Variants in PIEZO1 observed in about 807,000 individuals in gnomAD.
PIEZO1 encodes the protein piezo-type mechanosensitive ion channel component 1.
Under a neutral mutation model 297.2 loss-of-function variants are expected in PIEZO1, and 296 were observed. That is an observed-to-expected ratio of 1.00 (90% CI 0.91 to 1.10). The LOEUF (loss-of-function observed/expected upper bound fraction) is 1.10, where lower values mean the gene tolerates loss of function less well. Among genes scored for constraint, PIEZO1 ranks in the 50% least tolerant of loss-of-function variants. The probability of loss-of-function intolerance (pLI) is 0.00; values close to 1 mark genes in which losing one functional copy is unlikely to be tolerated. For synonymous variants in PIEZO1, 2,427 were observed against 1,507.5 expected (o/e 1.61, Z -14.13); for missense variants, 5,018 against 3,455.5 (o/e 1.45, Z -11.34).
intron 45 of PIEZO1, 21 bp from the exon 46 acceptor site, chr16:88,716,919 C>T (rs550529775): frequency 1.9e-4 from 294 of 1,548,668 alleles, no homozygotes; most frequent in African/African-American, 1.1e-3. Flanking sequence ...CACGGGGACA[C>T]GGGGCCACGA....
chr16:88,768,778 G>T (rs887637289), intron 1 of PIEZO1, among the ~76,000 whole-genome samples: 1 of 152,246 alleles, frequency 6.6e-6, no homozygotes, highest in Non-Finnish European at 1.5e-5. Context: ...TCTAGGCCTC[G>T]GCCAGTCTGG....
chr16:88,736,694 C>A lies in PIEZO1; in HGVS notation c.1241G>T (p.Ser414Ile). ...CTGGTCCATGATGAGGTGGCCCAGG[C>A]TGTGGAGCGGAGACGCCTCCCTGGG... ...AEPREASPLH[S>I]LGHLIMDQSY... The change falls in exon 11 of 51, where the codon AGC (serine) becomes ATC (isoleucine). Residue 414 changes from serine to isoleucine, a missense_variant. By Grantham distance (142) the Ser-to-Ile change is moderately radical (BLOSUM62 -2). Coordinates refer to ENST00000301015, the MANE Select transcript of PIEZO1 (RefSeq NM_001142864.4). 1 of 1,533,016 alleles carries A rather than the reference C, an allele frequency of 6.5e-7. No individual in the cohort carries two copies. Among genetic ancestry groups the A allele is most frequent in the African/African-American group, 1.4e-5 (1 of 73,026 alleles). The allele number at this position is 1,533,016 out of a possible 1,614,324, so 95.0% of individuals were successfully genotyped here.
At chr16:88,768,069 C>G (rs985041345) in intron 1 of PIEZO1, among the ~76,000 whole-genome samples, 2 of 152,224 alleles carry the variant, frequency 1.3e-5, no homozygotes, top group Non-Finnish European at 2.9e-5. Flanking sequence ...GTGGGACCCA[C>G]GAGCCCCCAA....
Position 88,721,892 on chromosome 16 carries a change from C to G in PIEZO1, c.5130G>C (p.Leu1710=). 6.5e-7 allele frequency: 1 copy of G among 1,550,080 alleles called. No homozygotes were observed. Among genetic ancestry groups the G allele is most frequent in the Non-Finnish European group, 8.7e-7 (1 of 1,146,792 alleles). ...MVTASAGSLV[L]PVLVFLWAML... Reference sequence around the variant, plus strand: ...TGGCCCACAGGAAGACGAGCACGGGCAGCACCAGCGAGCCGGCGGAGGCCG... The same window carrying G: ...TGGCCCACAGGAAGACGAGCACGGGGAGCACCAGCGAGCCGGCGGAGGCCG... Residue 1710 remains leucine, a synonymous_variant, in exon 37 of 51, where the codon CTG becomes CTC. Coordinates refer to ENST00000301015, the MANE Select transcript of PIEZO1 (RefSeq NM_001142864.4).
intron 1 of PIEZO1, among the ~76,000 whole-genome samples, chr16:88,751,794 C>T (rs1906403588): frequency 6.6e-6 from 1 of 152,156 alleles, no homozygotes; most frequent in Admixed American, 6.5e-5. Context: ...GTGAGTTCTG[C>T]CCCAGTCCTG....
rs1471035047 is a variant in PIEZO1, at chr16:88,735,058, G to GT, written c.1670-6_1670-5insA. 1 of 1,550,264 alleles carries GT rather than the reference G, an allele frequency of 6.5e-7. No individual in the cohort carries two copies. ...GCGTCTGCGTCCGCGTGGGCTCTGT[G>GT]GGCCAAGCCAGGGGCAGGCGATGGC... On this transcript the variant is annotated splice_region_variant and splice_polypyrimidine_tract_variant and intron_variant, in intron 13 of 50. Coordinates refer to ENST00000301015, the MANE Select transcript of PIEZO1 (RefSeq NM_001142864.4).
At chr16:88,771,720 C>T (rs1443742002) in intron 1 of PIEZO1, among the ~76,000 whole-genome samples, 4 of 151,992 alleles carry the variant, frequency 2.6e-5, no homozygotes, top group Admixed American at 2.0e-4. Context: ...TCCAGATGCC[C>T]GTCCACCCGC....
chr16:88,727,076 C>T lies in PIEZO1; in HGVS notation c.3418G>A (p.Gly1140Arg). Reference sequence around the variant, plus strand: ...AAGTTGGGCACGGGGTTGGGCTCCCCCCGCAGCGGCTCCAGGCGGTCGGTG... The same window carrying T: ...AAGTTGGGCACGGGGTTGGGCTCCCTCCGCAGCGGCTCCAGGCGGTCGGTG... ...VNTDRLEPLR[G>R]EPNPVPNFIH... The change falls in exon 24 of 51, where the codon GGG (glycine) becomes AGG (arginine). Residue 1140 changes from glycine (G) to arginine (R), a missense_variant. Coordinates refer to ENST00000301015, the MANE Select transcript of PIEZO1 (RefSeq NM_001142864.4). 6.5e-7 allele frequency: 1 copy of T among 1,549,556 alleles called. No homozygotes were observed.
intron 2 of PIEZO1, chr16:88,742,793 T>C (rs1905773216): frequency 5.9e-6 from 2 of 339,364 alleles, no homozygotes; most frequent in East Asian, 1.6e-4. Context: ...GGCAAGAAGC[T>C]CCACCTCACC....
intron 1 of PIEZO1, among the ~76,000 whole-genome samples, chr16:88,761,709 G>C (rs1271576075): frequency 6.6e-6 from 1 of 151,992 alleles, no homozygotes; most frequent in East Asian, 1.9e-4. Context: ...TCGGGGCCTG[G>C]GTGGCCCTTC....
chr16:88,759,096 G>A (rs1450437401), intron 1 of PIEZO1, among the ~76,000 whole-genome samples: 1 of 152,212 alleles, frequency 6.6e-6, no homozygotes, highest in African/African-American at 2.4e-5. Flanking sequence ...ATCAACAAGT[G>A]AACTGGTCAA....
intron 5 of PIEZO1, chr16:88,741,171 A>G (rs931702543): frequency 1.5e-5 from 4 of 261,824 alleles, no homozygotes; most frequent in Non-Finnish European, 2.9e-5. Context: ...ACTGCCCAGC[A>G]CTGCAGGTTT....
chr16:88,729,899 G>C (rs146257498), intron 22 of PIEZO1, among the ~76,000 whole-genome samples: 15 of 152,352 alleles, frequency 9.8e-5, no homozygotes, highest in African/African-American at 3.4e-4. Flanking sequence ...TGCCACAGAG[G>C]GAACCTCACG....
At chr16:88,782,250 C>T (rs556460952) in intron 1 of PIEZO1, among the ~76,000 whole-genome samples, 1 of 152,314 alleles carries the variant, frequency 6.6e-6, no homozygotes, top group Non-Finnish European at 1.5e-5. Context: ...GCTGGGACTA[C>T]AGGTGCACTA....
chr16:88,780,048 G>T (rs1209548475), intron 1 of PIEZO1, among the ~76,000 whole-genome samples: 1 of 152,154 alleles, frequency 6.6e-6, no homozygotes, highest in Non-Finnish European at 1.5e-5. Context: ...AAGGGGGTGA[G>T]GGCCCCACAC....
chr16:88,723,363 C>T, intron 31 of PIEZO1, 35 bp from the exon 32 acceptor site: 1 of 1,535,252 alleles, frequency 6.5e-7, no homozygotes, highest in Non-Finnish European at 8.7e-7. Context: ...ACCCGGCCTC[C>T]CGAGCCATCA....
intron 19 of PIEZO1, 74 bp downstream of exon 19, chr16:88,733,204 G>T: frequency 7.3e-7 from 1 of 1,365,926 alleles, no homozygotes; most frequent in Non-Finnish European, 1.0e-6. Flanking sequence ...TGAGGCAGCT[G>T]CCCCAGGAGG....
intron 1 of PIEZO1, among the ~76,000 whole-genome samples, chr16:88,780,140 T>A (rs1391162140): frequency 6.6e-6 from 1 of 152,180 alleles, no homozygotes; most frequent in African/African-American, 2.4e-5. Flanking sequence ...GTCCTCCCAG[T>A]GACCCTGGAC....
chr16:88,738,433 G>A lies in PIEZO1; in HGVS notation c.642C>T (p.Ala214=). Residue 214 remains alanine, a synonymous_variant, in exon 7 of 51, where the codon GCC becomes GCT. Transcript: ENST00000301015. ...AGACACTGGAGAGGGCCGAGGGGTGGGCGATGCCTGCGGGGCAGGGGCACA... is the reference window on the plus strand; with the variant it reads ...AGACACTGGAGAGGGCCGAGGGGTGAGCGATGCCTGCGGGGCAGGGGCACA... ...AVTLLALAGI[A]HPSALSSVYL... is the part of the protein sequence containing the mutation. 1 of 1,535,722 alleles carries A rather than the reference G, an allele frequency of 6.5e-7. No individual in the cohort carries two copies.
Sources: gnomAD v4.1 joint callset for allele counts (sites outside exome capture counted in the v4.1 genomes callset) on GRCh38, gnomAD v4.1.1 for gene constraint, MANE v1.5 for transcripts, NCBI Gene and HGNC (gene_info 2026-07-23, HGNC 2026-07-21) for gene names.